EZR: variants seen among roughly 807,000 people sequenced by gnomAD.
EZR encodes the protein ezrin.
EZR carries 40 observed loss-of-function variants against 74.8 expected under a neutral mutation model. The ratio of observed to expected loss-of-function variants is 0.53; its 90% CI spans 0.42 to 0.70. The LOEUF (loss-of-function observed/expected upper bound fraction) is 0.70, where lower values mean the gene tolerates loss of function less well. Ranked by LOEUF, EZR falls within the 30% of genes least tolerant of loss-of-function variation. The pLI, the probability that EZR is intolerant of heterozygous loss-of-function variation, is 0.00. For missense variants in EZR, 678 were observed against 755.8 expected (o/e 0.90, Z 1.21); for synonymous variants, 341 against 283.3 (o/e 1.20, Z -2.05).
At position 158,766,706 on chromosome 6, in the gene EZR, C is replaced by T. The variant is rs1318723534; in HGVS notation, c.*208G>A. 2 of 599,922 alleles carry T rather than the reference C, an allele frequency of 3.3e-6. No individual in the cohort carries two copies. Among genetic ancestry groups the T allele is most frequent in the East Asian group, 2.8e-5 (1 of 36,342 alleles). The allele number at this position is 599,922 out of a possible 1,614,324, so 37.2% of individuals were successfully genotyped here. ...GTGATTCGAGAATAATCGCGAGAAT[C>T]AGGCCTGCTTGGCACTATTACAACT... On this transcript the variant is annotated 3_prime_UTR_variant, in exon 14 of 14. Transcript: ENST00000367075.
intron 8 of EZR, among the ~76,000 whole-genome samples, chr6:158,775,558 G>T (rs921483809): frequency 2.6e-5 from 4 of 152,180 alleles, no homozygotes; most frequent in Non-Finnish European, 5.9e-5. Flanking sequence ...GCTTAACACT[G>T]TAACTAAGGA....
chr6:158,767,119 A>G, intron 13 of EZR, 41 bp from the exon 14 acceptor site: 1 of 1,610,758 alleles, frequency 6.2e-7, no homozygotes, highest in Non-Finnish European at 8.5e-7. Flanking sequence ...CTTCCTCCCC[A>G]TATGGCCCGG....
chr6:158,773,179 T>C (rs1791171130), intron 8 of EZR, among the ~76,000 whole-genome samples: 1 of 152,160 alleles, frequency 6.6e-6, no homozygotes, highest in South Asian at 2.1e-4. Context: ...CTCCCCTTTA[T>C]GGGGTTGTGG....
At position 158,767,271 on chromosome 6, in the gene EZR, C is replaced by T. The variant is rs750505933; in HGVS notation, c.1586G>A (p.Arg529Gln). The T allele has an allele frequency of 2.1e-5, 34 of 1,612,434 alleles. No homozygotes were observed. Among genetic ancestry groups the T allele is most frequent in the Admixed American group, 6.7e-5 (4 of 59,900 alleles). ...TEAEKNERVQ[R>Q]QLLTLSSELS... is the part of the protein sequence containing the mutation. ...CCCCTTGGGCCTCACCAGCAGCTGCCGCTGCACACGCTCGTTCTTCTCTGC... is the reference window on the plus strand; with the variant it reads ...CCCCTTGGGCCTCACCAGCAGCTGCTGCTGCACACGCTCGTTCTTCTCTGC... Residue 529 changes from arginine (R) to glutamine (Q), a missense_variant, in exon 13 of 14, where the codon CGG becomes CAG. Physicochemically the swap from Arg to Gln is conservative, Grantham distance 43. Coordinates refer to ENST00000367075, the MANE Select transcript of EZR (RefSeq NM_001111077.2).
At chr6:158,775,030 A>C (rs1583560018) in intron 8 of EZR, among the ~76,000 whole-genome samples, 1 of 123,720 alleles carries the variant, frequency 8.1e-6, no homozygotes, top group African/African-American at 3.1e-5. Flanking sequence ...AAACAGCAGG[A>C]GCCCTTTTTT....
chr6:158,798,418 T>C (rs1360356309), intron 2 of EZR, among the ~76,000 whole-genome samples: 2 of 152,234 alleles, frequency 1.3e-5, no homozygotes, highest in South Asian at 2.1e-4. Context: ...AAATATTCTA[T>C]GTTCTTAGAA....
chr6:158,808,009 T>C (rs1777379985), intron 2 of EZR, among the ~76,000 whole-genome samples: 1 of 152,230 alleles, frequency 6.6e-6, no homozygotes, highest in Non-Finnish European at 1.5e-5. Context: ...AAAGCCTCTT[T>C]TTGTTCACCA....
At chr6:158,775,492 A>G (rs1197529243) in intron 8 of EZR, among the ~76,000 whole-genome samples, 1 of 152,230 alleles carries the variant, frequency 6.6e-6, no homozygotes, top group East Asian at 1.9e-4. Context: ...ACCCAGTCCC[A>G]AAAGGGTTAA....
intron 10 of EZR, among the ~76,000 whole-genome samples, chr6:158,770,279 T>C (rs1197242892): frequency 6.6e-6 from 1 of 152,202 alleles, no homozygotes; most frequent in African/African-American, 2.4e-5. Context: ...ACCCTTCCCA[T>C]GTGTGCTGTA....
chr6:158,769,293 G>A (rs779954397), intron 12 of EZR, 33 bp downstream of exon 12: 26 of 1,581,362 alleles, frequency 1.6e-5, no homozygotes, highest in Non-Finnish European at 5.2e-6. Flanking sequence ...CAGGTGCTGT[G>A]GCCGTGCGGA....
At position 158,776,523 on chromosome 6, in the gene EZR, A is replaced by G. The variant is rs2128567766; in HGVS notation, c.699-19T>C. On this transcript the variant is annotated intron_variant, in intron 7 of 13. Coordinates refer to ENST00000367075, the MANE Select transcript of EZR (RefSeq NM_001111077.2). ...GGTTAACCTGAGGTTAAAAAGAAGA[A>G]GTGGATGGTTAGATGTATACATATG... 1 of 1,568,058 alleles carries G rather than the reference A, an allele frequency of 6.4e-7. No individual in the cohort carries two copies. Among genetic ancestry groups the G allele is most frequent in the Non-Finnish European group, 8.8e-7 (1 of 1,142,838 alleles).
intron 4 of EZR, 85 bp from the exon 5 acceptor site, chr6:158,785,668 A>T (rs532927995): frequency 1.8e-5 from 28 of 1,514,192 alleles, no homozygotes; most frequent in Non-Finnish European, 2.2e-5. Context: ...CCAAGACTCA[A>T]TGGGGCCCTC....
intron 2 of EZR, among the ~76,000 whole-genome samples, chr6:158,800,596 T>C (rs1777167355): frequency 1.3e-5 from 2 of 152,176 alleles, no homozygotes; most frequent in Non-Finnish European, 2.9e-5. Context: ...AGACCAGCAG[T>C]TCGAGACCAG....
chr6:158,802,287 T>G (rs1777202729), intron 2 of EZR, among the ~76,000 whole-genome samples: 1 of 152,200 alleles, frequency 6.6e-6, no homozygotes, highest in Non-Finnish European at 1.5e-5. Flanking sequence ...AGTCCTTATT[T>G]TAGGAAATGG....
At chr6:158,776,667 T>TC (rs1021539392) in intron 7 of EZR, among the ~76,000 whole-genome samples, 163 bp from the exon 8 acceptor site, 1 of 152,222 alleles carries the variant, frequency 6.6e-6, no homozygotes. Context: ...TTCCCACCTG[T>TC]CCTAGGTTAA....
At chr6:158,816,425 G>A (rs1338128255) in intron 2 of EZR, among the ~76,000 whole-genome samples, 10 of 152,168 alleles carry the variant, frequency 6.6e-5, no homozygotes. Flanking sequence ...TTTTTCCTGA[G>A]TGCTATCTTA....
chr6:158,773,556 G>A (rs1047854596), intron 8 of EZR, among the ~76,000 whole-genome samples: 1 of 152,184 alleles, frequency 6.6e-6, no homozygotes, highest in Non-Finnish European at 1.5e-5. Context: ...CACAAGGAAA[G>A]TTCAAGAAAA....
chr6:158,816,811 T>A (rs1777567014), intron 2 of EZR, among the ~76,000 whole-genome samples: 1 of 151,916 alleles, frequency 6.6e-6, no homozygotes, highest in South Asian at 2.1e-4. Flanking sequence ...CAAGGCCGGG[T>A]GTGGTGGCTC....
intron 2 of EZR, among the ~76,000 whole-genome samples, chr6:158,813,600 T>C (rs1366491619): frequency 6.6e-6 from 1 of 152,180 alleles, no homozygotes; most frequent in African/African-American, 2.4e-5. Flanking sequence ...TGCGAGGGGA[T>C]TGTGAGGGGG....
Sources: gnomAD v4.1 joint callset for allele counts (sites outside exome capture counted in the v4.1 genomes callset) on GRCh38, gnomAD v4.1.1 for gene constraint, MANE v1.5 for transcripts, NCBI Gene and HGNC (gene_info 2026-07-23, HGNC 2026-07-21) for gene names.